The following IRAK1BP1 variants were observed in gnomAD, a reference collection of about 807,000 sequenced individuals.
The protein encoded by IRAK1BP1 is interleukin-1 receptor-associated kinase 1-binding protein 1.
A neutral mutation model predicts 28.0 loss-of-function variants in IRAK1BP1; 24 were observed. The ratio of observed to expected loss-of-function variants is 0.86; its 90% CI spans 0.62 to 1.20. The LOEUF (loss-of-function observed/expected upper bound fraction) is 1.20. Ranked by LOEUF, IRAK1BP1 falls within the 50% of genes most tolerant of loss-of-function variation. The pLI, the probability that IRAK1BP1 is intolerant of heterozygous loss-of-function variation, is 0.00. For missense variants in IRAK1BP1, 336 were observed against 316.7 expected (o/e 1.06, Z -0.46); for synonymous variants, 131 against 116.3 (o/e 1.13, Z -0.81).
chr6:78,969,721 A>C, the IRAK1BP1 span: 2 of 547,672 alleles, frequency 3.7e-6, no homozygotes, highest in South Asian at 3.1e-5. Context: ...CATTCCTACA[A>C]ATAGCAAAAA....
At chr6:78,946,657 T>C (rs1380913852), downstream of IRAK1BP1, 6 of 1,479,676 alleles carry the variant, frequency 4.1e-6, no homozygotes, top group African/African-American at 8.8e-5. Context: ...CCAAGTTCTA[T>C]CATTTAGATG....
At chr6:78,913,839 T>G (rs1277239226) in intron 4 of IRAK1BP1, among the ~76,000 whole-genome samples, 17 of 152,072 alleles carry the variant, frequency 1.1e-4, no homozygotes, top group Admixed American at 1.1e-3. Flanking sequence ...ATACTGATAT[T>G]GGGTAAAATA....
chr6:78,967,861 G>A, the IRAK1BP1 span, among the ~76,000 whole-genome samples: 2 of 152,100 alleles, frequency 1.3e-5, no homozygotes, highest in Non-Finnish European at 2.9e-5. Context: ...TCGGCCGGGC[G>A]CGGTGGCTCA....
intron 4 of IRAK1BP1, among the ~76,000 whole-genome samples, chr6:78,912,867 G>A (rs1040594048): frequency 1.3e-5 from 2 of 152,094 alleles, no homozygotes; most frequent in African/African-American, 2.4e-5. Flanking sequence ...TTGTTAAAGA[G>A]AAATGTACTA....
At chr6:78,914,618 C>T (rs1213478715) in intron 4 of IRAK1BP1, among the ~76,000 whole-genome samples, 1 of 152,048 alleles carries the variant, frequency 6.6e-6, no homozygotes, top group Non-Finnish European at 1.5e-5. Flanking sequence ...AGGCAATGCT[C>T]CTAAACAATT....
chr6:78,896,782 A>AC (rs1771899226), intron 2 of IRAK1BP1, among the ~76,000 whole-genome samples: 1 of 151,036 alleles, frequency 6.6e-6, no homozygotes, highest in African/African-American at 2.4e-5. Flanking sequence ...CCGTGATCAC[A>AC]CCACTGCACT....
intron 1 of IRAK1BP1, among the ~76,000 whole-genome samples, chr6:78,878,772 C>T (rs530864687): frequency 1.3e-5 from 2 of 152,076 alleles, no homozygotes; most frequent in African/African-American, 4.8e-5. Context: ...AGATGAATGG[C>T]TAACTAGAAT....
chr6:78,945,789 T>A (rs1180855870), exon 5 of IRAK1BP1: 2 of 590,944 alleles, frequency 3.4e-6, no homozygotes, highest in African/African-American at 3.8e-5. Context: ...TAGATCAGAG[T>A]TGCCATTTTT....
intron 4 of IRAK1BP1, among the ~76,000 whole-genome samples, chr6:78,923,094 G>C (rs1010858878): frequency 6.6e-6 from 1 of 152,102 alleles, no homozygotes; most frequent in African/African-American, 2.4e-5. Context: ...AAATGTAAAT[G>C]GGCTAAATGC....
At chr6:78,973,168 C>A in the IRAK1BP1 span, among the ~76,000 whole-genome samples, 1 of 152,244 alleles carries the variant, frequency 6.6e-6, no homozygotes. Context: ...ATTAGACTAA[C>A]AGCGGATCTC....
chr6:78,968,955 A>G, the IRAK1BP1 span, among the ~76,000 whole-genome samples: 8 of 152,188 alleles, frequency 5.3e-5, no homozygotes, highest in Non-Finnish European at 1.2e-4. Flanking sequence ...TGAGGCTTCT[A>G]CTGAATATTA....
At chr6:78,924,674 A>G (rs1019418687) in intron 4 of IRAK1BP1, among the ~76,000 whole-genome samples, 1 of 152,192 alleles carries the variant, frequency 6.6e-6, no homozygotes, top group Non-Finnish European at 1.5e-5. Flanking sequence ...CCTTCATAAA[A>G]TACTGGCAAA....
chr6:78,871,239 A>T, intron 1 of IRAK1BP1: 1 of 984,074 alleles, frequency 1.0e-6, no homozygotes, highest in Non-Finnish European at 1.2e-6. Flanking sequence ...TAGGCATAAA[A>T]TGACCTCACA....
At chr6:78,914,003 T>C (rs1422509939) in intron 4 of IRAK1BP1, among the ~76,000 whole-genome samples, 1 of 152,210 alleles carries the variant, frequency 6.6e-6, no homozygotes, top group Non-Finnish European at 1.5e-5. Flanking sequence ...ATAAGTCATA[T>C]GAAGTGTTCC....
the IRAK1BP1 span, chr6:78,965,952 T>C: frequency 2.5e-6 from 4 of 1,598,994 alleles, no homozygotes; most frequent in Non-Finnish European, 3.4e-6. Flanking sequence ...TACCAAACAT[T>C]GTAGCATTGA....
intron 4 of IRAK1BP1, among the ~76,000 whole-genome samples, chr6:78,933,176 T>C (rs1773118405): frequency 6.6e-6 from 1 of 152,216 alleles, no homozygotes; most frequent in Non-Finnish European, 1.5e-5. Context: ...AAGTCCTAGA[T>C]TGGTCCTTCT....
the IRAK1BP1 span, among the ~76,000 whole-genome samples, chr6:78,967,581 C>T: frequency 2.0e-5 from 3 of 152,054 alleles, no homozygotes; most frequent in Non-Finnish European, 2.9e-5. Flanking sequence ...AAATGGCAGT[C>T]GGTGGGTGAA....
chr6:78,908,225 G>A (rs772947181), intron 4 of IRAK1BP1, among the ~76,000 whole-genome samples: 8 of 151,328 alleles, frequency 5.3e-5, no homozygotes, highest in Non-Finnish European at 1.0e-4. Flanking sequence ...TAATTTTTTT[G>A]TATTTTTAGT....
intron 4 of IRAK1BP1, among the ~76,000 whole-genome samples, chr6:78,935,276 A>G (rs1464898729): frequency 6.6e-6 from 1 of 152,142 alleles, no homozygotes; most frequent in African/African-American, 2.4e-5. Flanking sequence ...CATCTTAGGG[A>G]GAAATTAACA....
Sources: gnomAD v4.1 joint callset for allele counts (sites outside exome capture counted in the v4.1 genomes callset) on GRCh38, gnomAD v4.1.1 for gene constraint, MANE v1.5 for transcripts, NCBI Gene and HGNC (gene_info 2026-07-23, HGNC 2026-07-21) for gene names.